The following PTCHD4 variants were observed in gnomAD, a reference collection of about 807,000 sequenced individuals.
PTCHD4 encodes the protein patched domain containing 4.
A neutral mutation model predicts 58.1 loss-of-function variants in PTCHD4; 33 were observed. The ratio of observed to expected loss-of-function variants is 0.57; its 90% CI spans 0.43 to 0.76. The LOEUF (loss-of-function observed/expected upper bound fraction) is 0.76, where lower values mean the gene tolerates loss of function less well. Ranked by LOEUF, PTCHD4 falls within the 30% of genes least tolerant of loss-of-function variation. The probability of loss-of-function intolerance (pLI) is 0.00; values close to 1 mark genes in which losing one functional copy is unlikely to be tolerated. For synonymous variants in PTCHD4, 478 were observed against 409.6 expected, an observed-to-expected ratio of 1.17 and a Z score of -2.02; for missense variants, 1,058 against 1,027.1, an observed-to-expected ratio of 1.03 and a Z score of -0.41.
chr6:48,012,736 G>C (rs1309361474), intron 3 of PTCHD4, among the ~76,000 whole-genome samples: 4 of 152,120 alleles, frequency 2.6e-5, no homozygotes, highest in Non-Finnish European at 4.4e-5. Context: ...TTATTGTTTT[G>C]AGATACGTTC....
At chr6:48,058,743 C>T (rs966541359) in intron 3 of PTCHD4, among the ~76,000 whole-genome samples, 12 of 152,274 alleles carry the variant, frequency 7.9e-5, no homozygotes, top group Middle Eastern at 3.4e-3. Flanking sequence ...AGACCCAGTG[C>T]ACACTGAGAC....
chr6:47,888,184 C>G (rs1764253567), intron 4 of PTCHD4, among the ~76,000 whole-genome samples: 1 of 143,142 alleles, frequency 7.0e-6, no homozygotes, highest in Admixed American at 7.7e-5. Context: ...GGTGAAACCC[C>G]GTCTCTACTA....
chr6:47,989,435 G>T (rs183365452), intron 4 of PTCHD4, among the ~76,000 whole-genome samples: 1 of 152,184 alleles, frequency 6.6e-6, no homozygotes, highest in Non-Finnish European at 1.5e-5. Flanking sequence ...GGTCTTCAAC[G>T]TAGCCTTTCC....
chr6:47,976,728 A>G (rs1422399798), intron 4 of PTCHD4, among the ~76,000 whole-genome samples: 6 of 151,664 alleles, frequency 4.0e-5, no homozygotes, highest in Non-Finnish European at 7.4e-5. Context: ...AATTCAAAGA[A>G]TATGTCCCTC....
chr6:47,929,375 C>T (rs1436985123), intron 4 of PTCHD4, among the ~76,000 whole-genome samples: 1 of 152,078 alleles, frequency 6.6e-6, no homozygotes, highest in Non-Finnish European at 1.5e-5. Context: ...TATTTTTTAA[C>T]CTTTACACTG....
Position 47,875,902 on chromosome 6 carries a change from G to A in PTCHD4, c.*2401C>T, listed in dbSNP as rs1763835008. Among the ~76,000 whole-genome samples the A allele has an allele frequency of 1.3e-5, 2 of 151,858 alleles. No homozygotes were observed. The highest frequency in any genetic ancestry group is 2.4e-5 in the African/African-American group (1 of 41,478). ...CCAATAGCCAATCTTTTAAAAAATA[G>A]GTGAATGAGTGGAGCATGGCACACA... is the stretch of plus-strand genomic sequence containing the variant. On this transcript the variant is annotated 3_prime_UTR_variant, in exon 5 of 5. Coordinates refer to ENST00000339488, the MANE Select transcript of PTCHD4 (RefSeq NM_001384253.1).
At chr6:48,057,606 G>A (rs935665072) in intron 3 of PTCHD4, among the ~76,000 whole-genome samples, 2 of 152,144 alleles carry the variant, frequency 1.3e-5, no homozygotes, top group Admixed American at 6.5e-5. Flanking sequence ...TGGCTTTAAG[G>A]CCTCAGCTTT....
chr6:48,033,442 A>C (rs1763520953), intron 3 of PTCHD4, among the ~76,000 whole-genome samples: 1 of 151,212 alleles, frequency 6.6e-6, no homozygotes, highest in South Asian at 2.1e-4. Flanking sequence ...CAAGTTCAGC[A>C]ACAGGAGTGT....
intron 3 of PTCHD4, among the ~76,000 whole-genome samples, chr6:48,041,818 T>C (rs1321093178): frequency 6.6e-6 from 1 of 152,068 alleles, no homozygotes; most frequent in Admixed American, 6.6e-5. Context: ...GTCACATCTT[T>C]ATTTTCTTTT....
chr6:48,037,563 C>T (rs1488584851), intron 3 of PTCHD4, among the ~76,000 whole-genome samples: 1 of 152,126 alleles, frequency 6.6e-6, no homozygotes, highest in Non-Finnish European at 1.5e-5. Flanking sequence ...TAGGCTTAGT[C>T]AGACATGCAC....
rs544067318 is a variant in PTCHD4, at chr6:47,889,742, A to G, written c.899-9806T>C. On this transcript the variant is annotated intron_variant, in intron 4 of 4. Transcript: ENST00000339488. ...AGACTTAAATGTTAGACCTAAAACC[A>G]TAAAAACCCTAGAAGAAAACCTAGG... 5.3e-3 allele frequency among the ~76,000 whole-genome samples: 796 copies of G among 151,208 alleles called. 11 individuals are homozygous for G. Among genetic ancestry groups the G allele is most frequent in the South Asian group, 0.022 (105 of 4,726 alleles).
chr6:47,976,042 GCTTATGTTTTC>G (rs1767679448), intron 4 of PTCHD4, among the ~76,000 whole-genome samples: 1 of 152,018 alleles, frequency 6.6e-6, no homozygotes, highest in African/African-American at 2.4e-5. Flanking sequence ...TTCTTCAATT[GCTTATGTTTTC>G]TGCTTTGGTA....
In PTCHD4 at chr6:47,870,978, AG is replaced by A. The variant is rs1348979972; in HGVS notation, c.*7324del. Among the ~76,000 whole-genome samples the A allele has an allele frequency of 6.6e-6, 1 of 151,602 alleles. No individual in the cohort carries two copies. Among genetic ancestry groups the A allele is most frequent in the Non-Finnish European group, 1.5e-5 (1 of 67,684 alleles). On this transcript the variant is annotated 3_prime_UTR_variant, in exon 5 of 5. Coordinates refer to ENST00000339488, the MANE Select transcript of PTCHD4 (RefSeq NM_001384253.1). The stretch of plus-strand genomic sequence containing the variant: ...CATCTGGAATTGATGGTTTGCCATG[AG>A]GTTTGTAGTGTTAATACATCAAAGT...
At position 47,860,612 on chromosome 6, in the gene PTCHD4, T is replaced by C. The variant is rs16876647; in HGVS notation, c.*17691A>G. On this transcript the variant is annotated 3_prime_UTR_variant, in exon 5 of 5. Transcript: ENST00000339488. ...GCACTACTGCCCATTCTTCACAATG[T>C]CTATCTTCCTTTATGATTTTTTTTC... Among the ~76,000 whole-genome samples, 6,468 of 152,112 alleles carry C rather than the reference T, an allele frequency of 0.043. 194 individuals carry two copies. Among genetic ancestry groups the C allele is most frequent in the Middle Eastern group, 0.075 (22 of 294 alleles).
At chr6:48,047,456 T>C (rs1345187561) in intron 3 of PTCHD4, among the ~76,000 whole-genome samples, 1 of 151,882 alleles carries the variant, frequency 6.6e-6, no homozygotes, top group African/African-American at 2.4e-5. Context: ...TTATGTCTTA[T>C]AGAGTCAACC....
chr6:48,011,957 G>A (rs143352872), intron 3 of PTCHD4, among the ~76,000 whole-genome samples: 1 of 152,172 alleles, frequency 6.6e-6, no homozygotes, highest in Non-Finnish European at 1.5e-5. Flanking sequence ...CCAGTATCAT[G>A]GTGTTTTGGT....
intron 4 of PTCHD4, among the ~76,000 whole-genome samples, chr6:47,936,174 C>T (rs1280978074): frequency 1.3e-5 from 2 of 152,102 alleles, no homozygotes; most frequent in African/African-American, 2.4e-5. Context: ...CTATTGCAGT[C>T]GACTAGGTGA....
intron 4 of PTCHD4, among the ~76,000 whole-genome samples, chr6:47,972,774 T>C (rs1378751673): frequency 6.6e-6 from 1 of 152,100 alleles, no homozygotes; most frequent in Non-Finnish European, 1.5e-5. Flanking sequence ...TTAATGATGA[T>C]GCTTCTAAGT....
rs1009782559 is a variant in PTCHD4, at chr6:47,857,311, T to C, written c.*20992A>G. ...CCAGACTAGTAAGAACAGATGCACATTGACGACACAAAGTTTCTGCGAATA... is the reference window on the plus strand; with the variant it reads ...CCAGACTAGTAAGAACAGATGCACACTGACGACACAAAGTTTCTGCGAATA... On this transcript the variant is annotated 3_prime_UTR_variant, in exon 5 of 5. Coordinates refer to ENST00000339488, the MANE Select transcript of PTCHD4 (RefSeq NM_001384253.1). 2.7e-4 allele frequency among the ~76,000 whole-genome samples: 41 copies of C among 152,166 alleles called. No individual in the cohort carries two copies. The highest frequency in any genetic ancestry group is 1.9e-4 in the East Asian group (1 of 5,148).
Sources: gnomAD v4.1 joint callset for allele counts (sites outside exome capture counted in the v4.1 genomes callset) on GRCh38, gnomAD v4.1.1 for gene constraint, MANE v1.5 for transcripts, NCBI Gene and HGNC (gene_info 2026-07-23, HGNC 2026-07-21) for gene names.